Variants in HERC2 observed in about 807,000 individuals in gnomAD.
The protein encoded by HERC2 is HECT and RLD domain containing E3 ubiquitin protein ligase 2.
A neutral mutation model predicts 537.7 loss-of-function variants in HERC2; 102 were observed. That is an observed-to-expected ratio of 0.19 (90% CI 0.16 to 0.22). The LOEUF is 0.22. HERC2 is among the 10% of genes least tolerant of loss of function. HERC2 has a pLI of 1.00. For synonymous variants in HERC2, 2,224 were observed against 2,466.2 expected, an observed-to-expected ratio of 0.90 and a Z score of 2.91; for missense variants, 4,236 against 6,198.2, an observed-to-expected ratio of 0.68 and a Z score of 10.63.
At chr15:28,162,847 C>A (rs973908224) in intron 69 of HERC2, among the ~76,000 whole-genome samples, 3 of 152,136 alleles carry the variant, frequency 2.0e-5, no homozygotes, top group Non-Finnish European at 2.9e-5. Flanking sequence ...GTCGAGATGG[C>A]GCCACTGCAC....
intron 44 of HERC2, among the ~76,000 whole-genome samples, chr15:28,208,515 C>G (rs1898737139): frequency 6.6e-6 from 1 of 152,010 alleles, no homozygotes; most frequent in South Asian, 2.1e-4. Context: ...GGTGTATCAC[C>G]CGAAGGTCAA....
intron 2 of HERC2, among the ~76,000 whole-genome samples, chr15:28,310,161 A>G (rs2076901566): frequency 1.3e-5 from 2 of 152,360 alleles, no homozygotes; most frequent in East Asian, 3.8e-4. Flanking sequence ...AAAATTAGCC[A>G]GAAAGCTGAG....
intron 16 of HERC2, among the ~76,000 whole-genome samples, chr15:28,259,923 G>GC (rs1224170171): frequency 6.9e-6 from 1 of 145,596 alleles, no homozygotes; most frequent in Non-Finnish European, 1.5e-5. Flanking sequence ...AGCTGAGATT[G>GC]CACCAATGCA....
intron 35 of HERC2, 72 bp downstream of exon 35, chr15:28,228,146 A>C (rs1901426170): frequency 3.9e-6 from 5 of 1,296,614 alleles, no homozygotes; most frequent in Non-Finnish European, 5.3e-6. Flanking sequence ...AAAAAAAAAG[A>C]AAAGAAAAGA....
chr15:28,143,291 G>A (rs1255065126), intron 74 of HERC2, among the ~76,000 whole-genome samples: 1 of 152,090 alleles, frequency 6.6e-6, no homozygotes, highest in East Asian at 1.9e-4. Flanking sequence ...ATAAAGGGGA[G>A]GCCAATCAGT....
intron 23 of HERC2, 39 bp downstream of exon 23, chr15:28,245,842 T>C (rs1456727207): frequency 6.4e-7 from 1 of 1,553,284 alleles, no homozygotes; most frequent in South Asian, 1.2e-5. Flanking sequence ...ACAAGGACAA[T>C]AAAACTTTCC....
At chr15:28,292,130 G>A (rs371753501) in intron 4 of HERC2, among the ~76,000 whole-genome samples, 6 of 148,106 alleles carry the variant, frequency 4.1e-5, no homozygotes, top group African/African-American at 1.5e-4. Context: ...TCGGGAGGAT[G>A]AGGCAGGAGA....
chr15:28,130,659 A>G (rs1352869011), intron 81 of HERC2, 65 bp from the exon 82 acceptor site: 2 of 1,083,820 alleles, frequency 1.8e-6, no homozygotes, highest in Non-Finnish European at 2.9e-6. Context: ...CTATAACCAC[A>G]CTGAGATTTA....
At chr15:28,233,607 C>T (rs781096633) in intron 28 of HERC2, 46 bp from the exon 29 acceptor site, 1 of 1,613,700 alleles carries the variant, frequency 6.2e-7, no homozygotes, top group Non-Finnish European at 8.5e-7. Flanking sequence ...ATATGTACCT[C>T]AGGTTAGTCG....
At position 28,122,377 on chromosome 15, in the gene HERC2, G is replaced by A. The variant is rs1157369482; in HGVS notation, c.13189-948C>T. ...GCCTTCTTTCGGTTAGGGGTGGGCT[G>A]TGGGAGCACAAGGGTCCCTCAGTGG... On this transcript the variant is annotated intron_variant, in intron 85 of 92. Transcript: ENST00000261609. This position sits in a 1 kb window ranked among gnomAD's most constrained non-coding sequence, Gnocchi z 4.1. Among the ~76,000 whole-genome samples, 4 of 152,222 alleles carry A rather than the reference G, an allele frequency of 2.6e-5. No homozygotes were observed. Among genetic ancestry groups the A allele is most frequent in the Non-Finnish European group, 5.9e-5 (4 of 68,034 alleles).
At position 28,116,786 on chromosome 15, in the gene HERC2, T is replaced by C; in HGVS notation, c.13488A>G (p.Gly4496=). The C allele has an allele frequency of 6.2e-7, 1 of 1,613,504 alleles. No homozygotes were observed. Among genetic ancestry groups the C allele is most frequent in the East Asian group, 2.2e-5 (1 of 44,832 alleles). ...GTGTCACGATCAGCAGGGGCGTGAGTCCGTTCTGCAGCTCCTCACAGATCT... is the reference window on the plus strand; with the variant it reads ...GTGTCACGATCAGCAGGGGCGTGAGCCCGTTCTGCAGCTCCTCACAGATCT... The part of the protein sequence containing the change: ...IAEICEELQN[G]LTPLLIVTPN... Residue 4496 remains glycine (G), a synonymous_variant, in exon 88 of 93, where the codon GGA becomes GGG. Coordinates refer to ENST00000261609, the MANE Select transcript of HERC2 (RefSeq NM_004667.6).
chr15:28,213,760 T>C lies in HERC2; in HGVS notation c.6768A>G (p.Pro2256=), dbSNP rs756733171. The C allele has an allele frequency of 3.7e-6, 6 of 1,613,950 alleles. No homozygotes were observed. The highest frequency in any genetic ancestry group is 4.2e-6 in the Non-Finnish European group (5 of 1,179,812). The change falls in exon 42 of 93, where the codon CCA becomes CCG. Residue 2256 remains proline (P), a synonymous_variant. Transcript: ENST00000261609. ...CACCTACTGGTTTCAGCTGATTCAA[T>C]GGGCAAACGCGACACGTCCGCATGT... ...FSDMRTCRVC[P]LNQLKPLPAV... is the part of the protein sequence containing the mutation.
At chr15:28,151,449 A>AC (rs1357286496) in intron 70 of HERC2, among the ~76,000 whole-genome samples, 1 of 152,212 alleles carries the variant, frequency 6.6e-6, no homozygotes, top group Non-Finnish European at 1.5e-5. Flanking sequence ...AGCCTGGATG[A>AC]CAGAGCAAGA....
intron 89 of HERC2, 124 bp from the exon 90 acceptor site, chr15:28,114,926 G>A (rs1054135350): frequency 1.1e-5 from 8 of 706,542 alleles, no homozygotes; most frequent in African/African-American, 5.3e-5. Flanking sequence ...TCTCGAGGCT[G>A]CAAGTGCATG....
rs1567094590 is a variant in HERC2 at position 28,268,432 on chromosome 15, A to T, written c.1598+33T>A. ...TTAGGATATGGCAACATAAAAGGAG[A>T]GTGTGTCCCCTACAGGAATAAGCGA... On this transcript the variant is annotated intron_variant, in intron 12 of 92. Transcript: ENST00000261609. This position sits in a 1 kb window ranked among gnomAD's most constrained non-coding sequence, Gnocchi z 4.7. 6.3e-7 allele frequency: 1 copy of T among 1,593,260 alleles called. No homozygotes were observed.
chr15:28,196,319 G>A lies in HERC2; in HGVS notation c.8156C>T (p.Ser2719Phe). Residue 2719 changes from serine (S) to phenylalanine (F), a missense_variant, in exon 52 of 93, where the codon TCC becomes TTC. Physicochemically the swap from Ser to Phe is radical, Grantham distance 155. Coordinates refer to ENST00000261609, the MANE Select transcript of HERC2 (RefSeq NM_004667.6). ...DGCQMFPING[S>F]RFKCRNCDDF... ...ATCACAGTTTCTGCATTTGAATCTGGATCCATTGATAGGAAACATCTGACA... is the reference window on the plus strand; with the variant it reads ...ATCACAGTTTCTGCATTTGAATCTGAATCCATTGATAGGAAACATCTGACA... 2 of 1,435,424 alleles carry A rather than the reference G, an allele frequency of 1.4e-6. No individual in the cohort carries two copies. Among genetic ancestry groups the A allele is most frequent in the African/African-American group, 1.4e-5 (1 of 70,800 alleles). 88.9% of individuals were successfully genotyped at this position (1,435,424 alleles called of 1,614,324 possible). A position where few individuals can be genotyped will look rare whatever the true frequency, so the allele number is the denominator to read the frequency against.
At chr15:28,257,877 G>A (rs1212613136) in intron 16 of HERC2, among the ~76,000 whole-genome samples, 1 of 151,400 alleles carries the variant, frequency 6.6e-6, no homozygotes, top group African/African-American at 2.4e-5. Flanking sequence ...GTAGAGACAG[G>A]GTTTCATGGT....
intron 2 of HERC2, among the ~76,000 whole-genome samples, chr15:28,299,862 G>T (rs1053103114): frequency 8.6e-5 from 13 of 151,908 alleles, no homozygotes; most frequent in Non-Finnish European, 1.3e-4. Flanking sequence ...GACCAGCCTG[G>T]CCAACACGGT....
intron 7 of HERC2, among the ~76,000 whole-genome samples, chr15:28,273,660 G>A (rs1000472743): frequency 1.8e-4 from 27 of 152,176 alleles, no homozygotes; most frequent in African/African-American, 6.3e-4. Context: ...GGACGCAAAC[G>A]CCAAAGGCCT....
Sources: gnomAD v4.1 joint callset for allele counts (sites outside exome capture counted in the v4.1 genomes callset) on GRCh38, gnomAD v4.1.1 for gene constraint, Gnocchi (gnomAD v3.1) non-coding constraint, MANE v1.5 for transcripts, NCBI Gene and HGNC (gene_info 2026-07-23, HGNC 2026-07-21) for gene names.